Variants in NCKAP5 observed in about 807,000 individuals in gnomAD.
NCKAP5 encodes the protein nck-associated protein 5.
In NCKAP5, 92 loss-of-function variants were observed where a neutral mutation model predicts 167.0. That is an observed-to-expected ratio of 0.55 (90% CI 0.47 to 0.66). The LOEUF is 0.66. Among genes scored for constraint, NCKAP5 ranks in the 30% least tolerant of loss-of-function variants. The probability of loss-of-function intolerance (pLI) is 0.00; values close to 1 mark genes in which losing one functional copy is unlikely to be tolerated. For synonymous variants in NCKAP5, 891 were observed against 877.4 expected, an observed-to-expected ratio of 1.02 and a Z score of -0.27; for missense variants, 2,378 against 2,315.0, an observed-to-expected ratio of 1.03 and a Z score of -0.56.
intron 4 of NCKAP5, among the ~76,000 whole-genome samples, chr2:133,291,327 G>A (rs1159586704): frequency 6.6e-6 from 1 of 152,184 alleles, no homozygotes; most frequent in African/African-American, 2.4e-5. Context: ...CTGGGAACTG[G>A]TTTAGAGGCT....
chr2:133,335,728 A>G (rs1683167427), intron 3 of NCKAP5, among the ~76,000 whole-genome samples: 1 of 152,216 alleles, frequency 6.6e-6, no homozygotes, highest in Non-Finnish European at 1.5e-5. Context: ...TGCTCACATT[A>G]CTATGATAAT....
At chr2:132,685,973 C>G (rs563885700) in intron 19 of NCKAP5, among the ~76,000 whole-genome samples, 1 of 152,158 alleles carries the variant, frequency 6.6e-6, no homozygotes, top group Non-Finnish European at 1.5e-5. Flanking sequence ...ATAGGGTCCT[C>G]TATGGGAAGA....
At chr2:133,178,778 T>C (rs2084593641) in intron 5 of NCKAP5, among the ~76,000 whole-genome samples, 2 of 126,004 alleles carry the variant, frequency 1.6e-5, no homozygotes. Context: ...TGAGCCGAGA[T>C]AGCGCCACTG....
the NCKAP5 span, among the ~76,000 whole-genome samples, chr2:133,617,938 A>C: frequency 1.3e-5 from 2 of 152,164 alleles, no homozygotes; most frequent in African/African-American, 4.8e-5. Context: ...ACAGCATGGT[A>C]CTGGTACCAA....
At chr2:133,270,610 G>A (rs967107433) in intron 4 of NCKAP5, among the ~76,000 whole-genome samples, 1 of 152,162 alleles carries the variant, frequency 6.6e-6, no homozygotes, top group African/African-American at 2.4e-5. Context: ...CAAAAGTACT[G>A]GAGGCTGCTC....
At chr2:133,517,088 T>C (rs2151438174) in intron 3 of NCKAP5, among the ~76,000 whole-genome samples, 1 of 152,356 alleles carries the variant, frequency 6.6e-6, no homozygotes, top group Non-Finnish European at 1.5e-5. Context: ...TGTATTGAAT[T>C]CTTGTTCAAC....
Position 132,783,729 on chromosome 2 carries a change from A to C in NCKAP5, c.3082T>G (p.Ser1028Ala), listed in dbSNP as rs745491270. 1.2e-6 allele frequency: 2 copies of C among 1,610,464 alleles called. No homozygotes were observed. Among genetic ancestry groups the C allele is most frequent in the Admixed American group, 3.4e-5 (2 of 59,616 alleles). Residue 1028 changes from serine to alanine, a missense_variant, in exon 14 of 20, where the codon TCC becomes GCC. Coordinates refer to ENST00000409261, the MANE Select transcript of NCKAP5 (RefSeq NM_207363.3). Reference sequence around the variant, plus strand: ...GGCCCCAGAGCCATTACGGTGAAGGAGCTGGAGGGGGCATGAGCAGGGCAT... The same window carrying C: ...GGCCCCAGAGCCATTACGGTGAAGGCGCTGGAGGGGGCATGAGCAGGGCAT... ...TRCPAHAPSSSFTVMALGPPK... is the reference protein window; with the variant it reads ...TRCPAHAPSSAFTVMALGPPK...
At chr2:132,800,841 C>A (rs921153420) in intron 11 of NCKAP5, among the ~76,000 whole-genome samples, 7 of 152,154 alleles carry the variant, frequency 4.6e-5, no homozygotes, top group Admixed American at 3.9e-4. Flanking sequence ...ATCTTCCTAA[C>A]AGGACAATCA....
chr2:133,464,895 G>A (rs932109148), intron 3 of NCKAP5, among the ~76,000 whole-genome samples: 2 of 151,784 alleles, frequency 1.3e-5, no homozygotes, highest in African/African-American at 2.4e-5. Flanking sequence ...TGGGGCTCTC[G>A]GTGAAGCTTG....
intron 5 of NCKAP5, among the ~76,000 whole-genome samples, chr2:133,135,743 G>A (rs1314757335): frequency 6.6e-6 from 1 of 152,056 alleles, no homozygotes; most frequent in Admixed American, 6.5e-5. Flanking sequence ...AGTTTCCTCT[G>A]CATACTGGGG....
intron 8 of NCKAP5, among the ~76,000 whole-genome samples, chr2:132,949,039 G>GAA (rs1421600498): frequency 7.6e-5 from 11 of 143,872 alleles, no homozygotes; most frequent in Non-Finnish European, 1.5e-4. Flanking sequence ...GAAAAGAAAA[G>GAA]AAAAGAAAAG....
chr2:132,903,366 C>A (rs1693773159), intron 8 of NCKAP5, among the ~76,000 whole-genome samples: 1 of 152,156 alleles, frequency 6.6e-6, no homozygotes, highest in Admixed American at 6.5e-5. Context: ...GCAGAAAGTT[C>A]TATTGGATAG....
intron 3 of NCKAP5, among the ~76,000 whole-genome samples, chr2:133,352,355 T>C (rs1178733915): frequency 2.0e-5 from 3 of 152,252 alleles, no homozygotes. Context: ...CTGACATGCA[T>C]AAGTTGCTCA....
chr2:133,086,943 T>C (rs1057157789), intron 6 of NCKAP5, among the ~76,000 whole-genome samples: 9 of 152,182 alleles, frequency 5.9e-5, no homozygotes, highest in African/African-American at 1.9e-4. Context: ...AATGCTATCA[T>C]GTTGACATTG....
chr2:132,894,251 A>C (rs966119252), intron 8 of NCKAP5, among the ~76,000 whole-genome samples: 2 of 152,142 alleles, frequency 1.3e-5, no homozygotes, highest in African/African-American at 2.4e-5. Flanking sequence ...ACATTTGAGA[A>C]AGAATTCAGT....
At chr2:133,354,254 CT>C (rs57923596) in intron 3 of NCKAP5, among the ~76,000 whole-genome samples, 196 of 142,732 alleles carry the variant, frequency 1.4e-3, no homozygotes, top group African/African-American at 2.9e-3. Flanking sequence ...GATTAGTTCT[CT>C]TTTTTTTTTT....
intron 10 of NCKAP5, among the ~76,000 whole-genome samples, chr2:132,866,034 G>T (rs1172443333): frequency 6.6e-6 from 1 of 152,184 alleles, no homozygotes; most frequent in African/African-American, 2.4e-5. Context: ...TCAGGTACAA[G>T]CTATAAAATT....
At chr2:133,107,272 C>T (rs2081739261) in intron 6 of NCKAP5, among the ~76,000 whole-genome samples, 2 of 152,178 alleles carry the variant, frequency 1.3e-5, no homozygotes, top group South Asian at 4.1e-4. Flanking sequence ...TGGGCTCCAA[C>T]AGGGTCTGTG....
chr2:133,358,399 T>C (rs930623566), intron 3 of NCKAP5, among the ~76,000 whole-genome samples: 1 of 152,152 alleles, frequency 6.6e-6, no homozygotes, highest in Non-Finnish European at 1.5e-5. Flanking sequence ...GCCAACATAG[T>C]GAGACCACAT....
Sources: allele counts gnomAD v4.1 joint callset (sites outside exome capture counted in the v4.1 genomes callset), GRCh38; gene constraint gnomAD v4.1.1; transcripts MANE v1.5; gene names NCBI Gene and HGNC (gene_info 2026-07-23, HGNC 2026-07-21).